Variants in LDLRAD3 observed in about 807,000 individuals in gnomAD.
LDLRAD3 encodes low density lipoprotein receptor class A domain containing 3.
Under a neutral mutation model 29.4 loss-of-function variants are expected in LDLRAD3, and 20 were observed. The observed-to-expected ratio is 0.68, with a 90% CI of 0.48 to 0.99. The LOEUF (loss-of-function observed/expected upper bound fraction) is 0.99, where lower values mean the gene tolerates loss of function less well. LDLRAD3 is among the 50% of genes least tolerant of loss of function. LDLRAD3 has a pLI of 0.00. For missense variants in LDLRAD3, 420 were observed against 454.3 expected (o/e 0.92, Z 0.69); for synonymous variants, 157 against 192.7 (o/e 0.81, Z 1.53).
chr11:36,007,963 T>C (rs1265052461), intron 1 of LDLRAD3, among the ~76,000 whole-genome samples: 1 of 152,186 alleles, frequency 6.6e-6, no homozygotes, highest in African/African-American at 2.4e-5. Context: ...CCAACCCTTG[T>C]AGAAATCCCA....
At chr11:36,159,650 G>A (rs775460259) in intron 4 of LDLRAD3, among the ~76,000 whole-genome samples, 19 of 142,726 alleles carry the variant, frequency 1.3e-4, no homozygotes, top group Non-Finnish European at 2.3e-4. Context: ...ACATGCTCCT[G>A]TAGTCCCAGC....
At chr11:36,117,717 C>G (rs559545696) in intron 4 of LDLRAD3, among the ~76,000 whole-genome samples, 2 of 152,384 alleles carry the variant, frequency 1.3e-5, no homozygotes, top group African/African-American at 4.8e-5. Context: ...GCTTCCACTT[C>G]AGCTCTGCTC....
chr11:36,006,554 G>A (rs1851888162), intron 1 of LDLRAD3, among the ~76,000 whole-genome samples: 1 of 152,234 alleles, frequency 6.6e-6, no homozygotes, highest in South Asian at 2.1e-4. Context: ...CATAGCTGCT[G>A]CAGTTCCTAG....
intron 4 of LDLRAD3, among the ~76,000 whole-genome samples, chr11:36,158,465 T>C (rs1854386595): frequency 2.0e-5 from 3 of 150,202 alleles, no homozygotes; most frequent in Admixed American, 2.0e-4. Flanking sequence ...CACCCCCTGT[T>C]TAAAATTGCA....
At chr11:36,211,395 A>C (rs1274110698) in intron 4 of LDLRAD3, among the ~76,000 whole-genome samples, 1 of 152,232 alleles carries the variant, frequency 6.6e-6, no homozygotes, top group Non-Finnish European at 1.5e-5. Flanking sequence ...CTTGGTGGGA[A>C]TATAAAGCAG....
intron 2 of LDLRAD3, among the ~76,000 whole-genome samples, chr11:36,072,084 G>A (rs1167939210): frequency 6.6e-6 from 1 of 152,176 alleles, no homozygotes; most frequent in Non-Finnish European, 1.5e-5. Flanking sequence ...CTCCTCATTC[G>A]TTGGGCTCTC....
intron 1 of LDLRAD3, among the ~76,000 whole-genome samples, chr11:35,951,942 G>A (rs866114406): frequency 1.5e-4 from 23 of 152,320 alleles, no homozygotes; most frequent in African/African-American, 5.5e-4. Flanking sequence ...CCTGATGTCA[G>A]AGATGTTACA....
At chr11:36,144,865 CCCCCGCCCGGCCAGCCG>C (rs1275130348) in intron 4 of LDLRAD3, among the ~76,000 whole-genome samples, 4,304 of 111,166 alleles carry the variant, frequency 0.039, 52 homozygotes, top group East Asian at 0.12. Context: ...GGGGGTCAGC[CCCCCGCCCGGCCAGCCG>C]CCCCGTCCGG....
intron 4 of LDLRAD3, among the ~76,000 whole-genome samples, chr11:36,159,625 A>AAAAAAAAAAAT (rs756902228): frequency 6.8e-5 from 9 of 132,940 alleles, no homozygotes; most frequent in East Asian, 4.8e-4. Context: ...AAAAAAAAAA[A>AAAAAAAAAAAT]AGCCAGATGT....
intron 1 of LDLRAD3, among the ~76,000 whole-genome samples, chr11:35,973,372 T>C (rs768502784): frequency 2.0e-5 from 3 of 152,224 alleles, no homozygotes; most frequent in Non-Finnish European, 4.4e-5. Flanking sequence ...TTACATTGGA[T>C]AGCCTTATGC....
At chr11:36,168,123 C>T (rs1381538846) in intron 4 of LDLRAD3, among the ~76,000 whole-genome samples, 2 of 152,148 alleles carry the variant, frequency 1.3e-5, no homozygotes, top group South Asian at 2.1e-4. Flanking sequence ...GCTGAATTTG[C>T]TTTTTATTTG....
intron 4 of LDLRAD3, among the ~76,000 whole-genome samples, chr11:36,177,433 C>T (rs551325485): frequency 2.6e-5 from 4 of 152,246 alleles, no homozygotes; most frequent in South Asian, 2.1e-4. Context: ...GGTTCCTTCT[C>T]ATTTGGGTAG....
intron 1 of LDLRAD3, among the ~76,000 whole-genome samples, chr11:35,994,268 C>T (rs1011766868): frequency 2.3e-5 from 3 of 133,054 alleles, no homozygotes; most frequent in Non-Finnish European, 4.6e-5. Flanking sequence ...ACCCAGGAGG[C>T]AGAGCTTGCA....
chr11:35,944,633 A>C lies in LDLRAD3; in HGVS notation c.46+489A>C, dbSNP rs1396363009. ...TCCGTGCCTCAGTTTCCCCACCTGCACCGCGGAGGGAGTAGCAAAGCTGCT... is the reference window on the plus strand; with the variant it reads ...TCCGTGCCTCAGTTTCCCCACCTGCCCCGCGGAGGGAGTAGCAAAGCTGCT... On this transcript the variant is annotated intron_variant, in intron 1 of 5. Transcript: ENST00000315571. This position sits in a 1 kb window ranked among gnomAD's most constrained non-coding sequence, Gnocchi z 4.9. Among the ~76,000 whole-genome samples, 3 of 151,994 alleles carry C rather than the reference A, an allele frequency of 2.0e-5. No individual in the cohort carries two copies. The highest frequency in any genetic ancestry group is 4.4e-5 in the Non-Finnish European group (3 of 67,994).
chr11:36,052,669 T>C (rs533670862), intron 2 of LDLRAD3, among the ~76,000 whole-genome samples: 6 of 152,266 alleles, frequency 3.9e-5, no homozygotes, highest in South Asian at 2.1e-4. Flanking sequence ...ATCTGTGAAA[T>C]AGGGAAATAA....
intron 4 of LDLRAD3, among the ~76,000 whole-genome samples, chr11:36,181,778 T>G (rs1266396461): frequency 6.6e-6 from 1 of 152,176 alleles, no homozygotes; most frequent in East Asian, 1.9e-4. Context: ...CAATTACTAA[T>G]GGTTGGATAA....
intron 4 of LDLRAD3, among the ~76,000 whole-genome samples, chr11:36,158,046 G>A (rs549398139): frequency 7.8e-4 from 119 of 152,234 alleles, no homozygotes; most frequent in Non-Finnish European, 3.1e-4. Flanking sequence ...GCACACTGAC[G>A]CAGGTATTTT....
At chr11:35,991,304 G>A (rs1851685411) in intron 1 of LDLRAD3, among the ~76,000 whole-genome samples, 2 of 152,126 alleles carry the variant, frequency 1.3e-5, no homozygotes, top group Admixed American at 6.5e-5. Flanking sequence ...GCACACAAAT[G>A]GTTACCCAAA....
intron 4 of LDLRAD3, among the ~76,000 whole-genome samples, chr11:36,187,285 C>T (rs1185858769): frequency 6.6e-6 from 1 of 152,050 alleles, no homozygotes; most frequent in Non-Finnish European, 1.5e-5. Context: ...TTTCAGTTCC[C>T]CAGAAGTGAC....
Sources: allele counts gnomAD v4.1 joint callset (sites outside exome capture counted in the v4.1 genomes callset), GRCh38; gene constraint gnomAD v4.1.1; non-coding constraint Gnocchi (gnomAD v3.1); transcripts MANE v1.5; gene names NCBI Gene and HGNC (gene_info 2026-07-23, HGNC 2026-07-21).